Variants in NRXN3 observed in about 807,000 individuals in gnomAD.
NRXN3 encodes the protein neurexin III.
In NRXN3, 32 loss-of-function variants were observed where a neutral mutation model predicts 137.6. The observed-to-expected ratio is 0.23, with a 90% CI of 0.18 to 0.31. NRXN3 has a LOEUF of 0.31. Ranked by LOEUF, NRXN3 falls within the 10% of genes least tolerant of loss-of-function variation. The pLI, the probability that NRXN3 is intolerant of heterozygous loss-of-function variation, is 1.00. For missense variants in NRXN3, 1,574 were observed against 2,062.5 expected (o/e 0.76, Z 4.59); for synonymous variants, 798 against 784.5 (o/e 1.02, Z -0.29).
chr14:79,650,130 T>C (rs529547311), intron 16 of NRXN3, among the ~76,000 whole-genome samples: 26 of 152,266 alleles, frequency 1.7e-4, no homozygotes, highest in African/African-American at 6.3e-4. Flanking sequence ...CTTGCTTGCT[T>C]GATGTGTGGG....
At chr14:79,388,255 G>A (rs1338685614) in intron 15 of NRXN3, among the ~76,000 whole-genome samples, 6 of 151,974 alleles carry the variant, frequency 3.9e-5, no homozygotes, top group Non-Finnish European at 1.5e-5. Context: ...CTGAGCAGAT[G>A]CCAGCATCAT....
intron 15 of NRXN3, among the ~76,000 whole-genome samples, chr14:79,427,850 A>G (rs931401031): frequency 3.3e-5 from 5 of 149,646 alleles, no homozygotes; most frequent in African/African-American, 1.2e-4. Flanking sequence ...AAAAAAAATT[A>G]AAAACTTATT....
At chr14:79,355,742 T>A (rs1311732852) in intron 15 of NRXN3, among the ~76,000 whole-genome samples, 1 of 152,222 alleles carries the variant, frequency 6.6e-6, no homozygotes, top group Non-Finnish European at 1.5e-5. Flanking sequence ...TTCTTTGGTA[T>A]CTTCTGCCCT....
At chr14:78,514,096 G>A (rs189105255) in intron 4 of NRXN3, among the ~76,000 whole-genome samples, 1 of 152,206 alleles carries the variant, frequency 6.6e-6, no homozygotes, top group African/African-American at 2.4e-5. Flanking sequence ...ATTCTTTTAT[G>A]ATTTGCAAAG....
chr14:78,407,916 C>A (rs368175664), intron 4 of NRXN3, among the ~76,000 whole-genome samples: 57 of 152,266 alleles, frequency 3.7e-4, no homozygotes, highest in African/African-American at 1.2e-3. Context: ...GAGAGGTCCT[C>A]CATAAATAGC....
intron 20 of NRXN3, among the ~76,000 whole-genome samples, chr14:79,821,953 C>G (rs1368004203): frequency 6.6e-6 from 1 of 152,002 alleles, no homozygotes; most frequent in Non-Finnish European, 1.5e-5. Context: ...CTATTTTAAA[C>G]TGAGATAACA....
chr14:79,430,787 G>T (rs2095739833), intron 15 of NRXN3, among the ~76,000 whole-genome samples: 1 of 152,188 alleles, frequency 6.6e-6, no homozygotes, highest in African/African-American at 2.4e-5. Context: ...CATATAAGGA[G>T]ATAATTTTTG....
chr14:78,829,580 T>C (rs1427326026), intron 10 of NRXN3, among the ~76,000 whole-genome samples: 1 of 152,160 alleles, frequency 6.6e-6, no homozygotes, highest in African/African-American at 2.4e-5. Flanking sequence ...GTTAATTGAA[T>C]ACTGTAGACT....
At chr14:79,300,771 G>C (rs2085012109) in intron 15 of NRXN3, among the ~76,000 whole-genome samples, 1 of 152,032 alleles carries the variant, frequency 6.6e-6, no homozygotes, top group African/African-American at 2.4e-5. Flanking sequence ...TGTCTTAGTG[G>C]GAGGAACAGC....
At chr14:79,264,295 G>A (rs1439894356) in intron 15 of NRXN3, among the ~76,000 whole-genome samples, 4 of 152,022 alleles carry the variant, frequency 2.6e-5, no homozygotes, top group Non-Finnish European at 4.4e-5. Context: ...CACCATGTTG[G>A]CCAAGCTGGT....
chr14:78,987,398 T>A (rs1271428663), intron 14 of NRXN3, among the ~76,000 whole-genome samples: 3 of 152,144 alleles, frequency 2.0e-5, no homozygotes, highest in Non-Finnish European at 4.4e-5. Flanking sequence ...AAAGTGGAGG[T>A]AATCATAATT....
At chr14:78,435,941 C>T (rs774021074) in intron 4 of NRXN3, among the ~76,000 whole-genome samples, 1 of 152,130 alleles carries the variant, frequency 6.6e-6, no homozygotes, top group African/African-American at 2.4e-5. Flanking sequence ...AATTGCAAAT[C>T]TTAGAAGGTA....
intron 15 of NRXN3, among the ~76,000 whole-genome samples, chr14:79,071,958 A>C (rs1467101722): frequency 1.3e-5 from 2 of 152,194 alleles, no homozygotes; most frequent in African/African-American, 4.8e-5. Context: ...CTATGTACCT[A>C]CAAAAATTTT....
intron 10 of NRXN3, among the ~76,000 whole-genome samples, chr14:78,910,677 C>T (rs1006883800): frequency 5.3e-5 from 8 of 152,104 alleles, no homozygotes; most frequent in Non-Finnish European, 1.0e-4. Context: ...TGGATCCTAT[C>T]ACCATCTGAA....
At chr14:79,619,658 A>G (rs2098200534) in intron 16 of NRXN3, among the ~76,000 whole-genome samples, 1 of 152,090 alleles carries the variant, frequency 6.6e-6, no homozygotes, top group Admixed American at 6.5e-5. Flanking sequence ...TTTACTCAGA[A>G]TTACACAGAA....
At chr14:78,232,639 C>T (rs1354550378) in intron 1 of NRXN3, among the ~76,000 whole-genome samples, 1 of 152,174 alleles carries the variant, frequency 6.6e-6, no homozygotes, top group Non-Finnish European at 1.5e-5. Context: ...TTTTCCCTCT[C>T]CATTTTTTCT....
chr14:78,631,917 C>A (rs1184637901), intron 4 of NRXN3, among the ~76,000 whole-genome samples: 1 of 151,590 alleles, frequency 6.6e-6, no homozygotes, highest in Non-Finnish European at 1.5e-5. Flanking sequence ...ACCATCCTGG[C>A]TAATTTGGTG....
chr14:78,402,876 A>G lies in NRXN3; in HGVS notation c.757+105016A>G, dbSNP rs140556235. ...AACATAATAAAGATCAGCTGCTTCT[A>G]TTATTAATATTAACACTATTAAGGA... On this transcript the variant is annotated intron_variant, in intron 4 of 20. Coordinates refer to ENST00000335750, the MANE Select transcript of NRXN3 (RefSeq NM_001330195.2). 5.3e-5 allele frequency among the ~76,000 whole-genome samples: 8 copies of G among 152,322 alleles called. No homozygotes were observed. In the East Asian group the frequency reaches 1.2e-3, roughly 22 times the overall value.
At chr14:79,408,124 C>A (rs923617097) in intron 15 of NRXN3, among the ~76,000 whole-genome samples, 1 of 152,022 alleles carries the variant, frequency 6.6e-6, no homozygotes, top group African/African-American at 2.4e-5. Flanking sequence ...TTCCAGAGGC[C>A]CAGTTAGGGG....
Sources: allele counts gnomAD v4.1 joint callset (sites outside exome capture counted in the v4.1 genomes callset), GRCh38; gene constraint gnomAD v4.1.1; transcripts MANE v1.5; gene names NCBI Gene and HGNC (gene_info 2026-07-23, HGNC 2026-07-21).